Variants in NMUR1 observed in about 807,000 individuals in gnomAD.
NMUR1 encodes neuromedin-U receptor 1.
In NMUR1, 16 loss-of-function variants were observed where a neutral mutation model predicts 18.8. The ratio of observed to expected loss-of-function variants is 0.85; its 90% CI spans 0.58 to 1.29. The LOEUF is 1.29. Ranked by LOEUF, NMUR1 falls within the 50% of genes most tolerant of loss-of-function variation. NMUR1 has a pLI of 0.00. For missense variants in NMUR1, 529 were observed against 580.3 expected (o/e 0.91, Z 0.91); for synonymous variants, 258 against 258.2 (o/e 1.00, Z 0.01).
In NMUR1 at chr2:231,525,226, G is replaced by A. The variant is rs941050991; in HGVS notation, c.1098C>T (p.Thr366=). The stretch of plus-strand genomic sequence containing the variant: ...CCCCGAGGCACAGGGCCTCCTGGAA[G>A]GTCTCTCGGAAGCGGCTGGACATGA... ...YSLMSSRFRE[T]FQEALCLGAC... The change falls in exon 3 of 3, where the codon ACC becomes ACT. Residue 366 remains threonine (T), a synonymous_variant. Coordinates refer to ENST00000305141, the MANE Select transcript of NMUR1 (RefSeq NM_006056.5). 1.2e-6 allele frequency: 2 copies of A among 1,614,174 alleles called. No individual in the cohort carries two copies. Among genetic ancestry groups the A allele is most frequent in the Non-Finnish European group, 1.7e-6 (2 of 1,180,020 alleles).
At chr2:231,527,360 G>T (rs1452678419) in intron 2 of NMUR1, among the ~76,000 whole-genome samples, 1 of 152,196 alleles carries the variant, frequency 6.6e-6, no homozygotes, top group Non-Finnish European at 1.5e-5. Flanking sequence ...TAACCAAAGA[G>T]AGCCGGGTGC....
At chr2:231,529,987 T>G (rs2047398613) in intron 1 of NMUR1, among the ~76,000 whole-genome samples, 1 of 152,226 alleles carries the variant, frequency 6.6e-6, no homozygotes, top group South Asian at 2.1e-4. Context: ...GTCTCCATAT[T>G]TGACGCCCTT....
chr2:231,529,164 G>C, intron 1 of NMUR1, 147 bp from the exon 2 acceptor site: 1 of 814,942 alleles, frequency 1.2e-6, no homozygotes, highest in Non-Finnish European at 1.9e-6. Context: ...CCATCCACAA[G>C]TCAGAGATGT....
intron 1 of NMUR1, 109 bp downstream of exon 1, chr2:231,530,250 G>T: frequency 1.5e-6 from 2 of 1,306,880 alleles, no homozygotes; most frequent in South Asian, 1.4e-5. Flanking sequence ...GGGGACGGGG[G>T]GCACCCCGAC....
Position 231,525,249 on chromosome 2 carries a change from T to C in NMUR1, c.1075A>G (p.Met359Val), listed in dbSNP as rs1205783528. 4.3e-6 allele frequency: 7 copies of C among 1,614,008 alleles called. No homozygotes were observed. Among genetic ancestry groups the C allele is most frequent in the South Asian group, 2.2e-5 (2 of 91,070 alleles). Reference protein sequence around the residue: ...SAANPVLYSLMSSRFRETFQE... With the variant: ...SAANPVLYSLVSSRFRETFQE... ...AAGGTCTCTCGGAAGCGGCTGGACA[T>C]GAGGCTATAGAGCACGGGGTTGGCC... The change falls in exon 3 of 3, where the codon ATG becomes GTG. Residue 359 changes from methionine (M) to valine (V), a missense_variant. Coordinates refer to ENST00000305141, the MANE Select transcript of NMUR1 (RefSeq NM_006056.5).
At chr2:231,518,494 G>A (rs2047284421), downstream of NMUR1, among the ~76,000 whole-genome samples, 1 of 152,218 alleles carries the variant, frequency 6.6e-6, no homozygotes, top group African/African-American at 2.4e-5. Context: ...TTATAGGCAT[G>A]AGCCACCGCG....
At chr2:231,520,644 C>T (rs1312364067), downstream of NMUR1, among the ~76,000 whole-genome samples, 10 of 152,044 alleles carry the variant, frequency 6.6e-5, no homozygotes, top group Non-Finnish European at 1.0e-4. Context: ...GAAGCCAGCA[C>T]GCTACAAAGA....
At chr2:231,528,085 T>G in intron 2 of NMUR1, 38 bp downstream of exon 2, 1 of 1,514,874 alleles carries the variant, frequency 6.6e-7, no homozygotes, top group Non-Finnish European at 8.8e-7. Flanking sequence ...TCATACCCAG[T>G]GCCTGGCTCA....
At position 231,525,399 on chromosome 2, in the gene NMUR1, A is replaced by G. The variant is rs1312948382; in HGVS notation, c.925T>C (p.Cys309Arg). The change falls in exon 3 of 3, where the codon TGC becomes CGC. Residue 309 changes from cysteine to arginine, a missense_variant. By Grantham distance (180) the Cys-to-Arg change is radical. Transcript: ENST00000305141. ...LFVLVVVFGI[C>R]WAPFHADRVM... ...CGGTCGGCGTGGAACGGGGCCCAGC[A>G]GATGCCAAACACCACGACCAGGACA... 1 of 1,612,782 alleles carries G rather than the reference A, an allele frequency of 6.2e-7. No individual in the cohort carries two copies.
rs1559169642 is a variant in NMUR1, at chr2:231,528,378, CTG to C, written c.641_642del (p.Pro214ArgfsTer143). 1 of 1,613,770 alleles carries C rather than the reference CTG, an allele frequency of 6.2e-7. No individual in the cohort carries two copies. Among genetic ancestry groups the C allele is most frequent in the East Asian group, 2.2e-5 (1 of 44,890 alleles). On this transcript the variant is annotated frameshift_variant, in exon 2 of 3. Transcript: ENST00000305141. LOFTEE classifies it high-confidence loss of function. The stretch of plus-strand genomic sequence containing the variant: ...CGGACCAGCATGCAAACAGCTGAGT[CTG>C]GCACTGGGCCCCGGCAGGGCACGTG... The part of the protein sequence containing the change: ...QLHVPCRGPV[P>X]DSAVCMLVRP...
At position 231,524,652 on chromosome 2, in the gene NMUR1, C is replaced by A. The variant is rs2047336567; in HGVS notation, c.*391G>T. 5.2e-6 allele frequency: 1 copy of A among 194,088 alleles called. No individual in the cohort carries two copies. The highest frequency in any genetic ancestry group is 1.5e-4 in the South Asian group (1 of 6,842). 12.0% of individuals were successfully genotyped at this position (194,088 alleles called of 1,614,324 possible). A position where few individuals can be genotyped will look rare whatever the true frequency, so the allele number is the denominator to read the frequency against. On this transcript the variant is annotated 3_prime_UTR_variant, in exon 3 of 3. Transcript: ENST00000305141. ...ACCAGGTCCCCTGGATCCCTGGGCC[C>A]CTGCCAGAACCTGAACAGGAACTGG...
downstream of NMUR1, among the ~76,000 whole-genome samples, chr2:231,520,469 C>G (rs1432929559): frequency 1.3e-5 from 2 of 152,180 alleles, no homozygotes; most frequent in African/African-American, 4.8e-5. Flanking sequence ...TGGAGAGTGT[C>G]CAGAACTCTT....
chr2:231,528,445 G>A lies in NMUR1; in HGVS notation c.576C>T (p.Cys192=). The A allele has an allele frequency of 3.1e-6, 5 of 1,613,636 alleles. No individual in the cohort carries two copies. The highest frequency in any genetic ancestry group is 4.2e-6 in the Non-Finnish European group (5 of 1,180,012). Residue 192 remains cysteine, a synonymous_variant, in exon 2 of 3, where the codon TGC becomes TGT. Coordinates refer to ENST00000305141, the MANE Select transcript of NMUR1 (RefSeq NM_006056.5). ...LGAVWGLAML[C]SLPNTSLHGI... ...CGTGCAGGCTGGTGTTGGGCAGGGA[G>A]CAGAGCATGGCAAGACCCCAGACGG...
chr2:231,528,498 G>C lies in NMUR1; in HGVS notation c.523C>G (p.Arg175Gly). 2 of 1,613,726 alleles carry C rather than the reference G, an allele frequency of 1.2e-6. No homozygotes were observed. The change falls in exon 2 of 3, where the codon CGG (arginine) becomes GGG (glycine). Residue 175 changes from arginine to glycine, a missense_variant. Transcript: ENST00000305141. The stretch of plus-strand genomic sequence containing the variant: ...CCAAGCACTCGGCGCACATGGGCCC[G>C]CGTCACCATGGACCTGGCCTGGAGT... ...HPLQARSMVT[R>G]AHVRRVLGAV... is the part of the protein sequence containing the mutation.
At chr2:231,522,617 C>T (rs920829510), downstream of NMUR1, among the ~76,000 whole-genome samples, 1 of 151,670 alleles carries the variant, frequency 6.6e-6, no homozygotes, top group African/African-American at 2.4e-5. Flanking sequence ...TATCCCCCAC[C>T]CTCCCCCAAG....
chr2:231,522,033 A>G (rs2047309515), downstream of NMUR1, among the ~76,000 whole-genome samples: 1 of 128,878 alleles, frequency 7.8e-6, no homozygotes, highest in African/African-American at 3.1e-5. Context: ...AGGCTGGAGT[A>G]CAGTAGCACA....
chr2:231,522,241 T>C (rs1043426225), downstream of NMUR1, among the ~76,000 whole-genome samples: 2 of 151,576 alleles, frequency 1.3e-5, no homozygotes, highest in African/African-American at 2.4e-5. Context: ...TGCCTTGGCT[T>C]CCCGAAGAGC....
At chr2:231,522,490 C>T (rs931773460), downstream of NMUR1, among the ~76,000 whole-genome samples, 1 of 152,082 alleles carries the variant, frequency 6.6e-6, no homozygotes, top group Middle Eastern at 3.4e-3. Flanking sequence ...CCTCCCACCC[C>T]AAGGCTACTT....
At position 231,525,262 on chromosome 2, in the gene NMUR1, C is replaced by T; in HGVS notation, c.1062G>A (p.Val354=). 6.2e-7 allele frequency: 1 copy of T among 1,614,186 alleles called. No individual in the cohort carries two copies. Among genetic ancestry groups the T allele is most frequent in the Non-Finnish European group, 8.5e-7 (1 of 1,180,040 alleles). ...AGCGGCTGGACATGAGGCTATAGAG[C>T]ACGGGGTTGGCCGCCGAGCCCAGGT... ...FFYLGSAANP[V]LYSLMSSRFR... The change falls in exon 3 of 3, where the codon GTG becomes GTA. Residue 354 remains valine, a synonymous_variant. Coordinates refer to ENST00000305141, the MANE Select transcript of NMUR1 (RefSeq NM_006056.5).
Sources: allele counts gnomAD v4.1 joint callset (sites outside exome capture counted in the v4.1 genomes callset), GRCh38; gene constraint gnomAD v4.1.1; transcripts MANE v1.5; gene names NCBI Gene and HGNC (gene_info 2026-07-23, HGNC 2026-07-21).